The following NLRP9 variants were observed in gnomAD, a reference collection of about 807,000 sequenced individuals.
The protein encoded by NLRP9 is NACHT, LRR and PYD domains-containing protein 9.
NLRP9 carries 88 observed loss-of-function variants against 83.1 expected under a neutral mutation model. The observed-to-expected ratio is 1.06, with a 90% CI of 0.89 to 1.26. The LOEUF (loss-of-function observed/expected upper bound fraction) is 1.26. NLRP9 is among the 50% of genes most tolerant of loss of function. The pLI is 0.00. For missense variants in NLRP9, 1,308 were observed against 1,179.3 expected, an observed-to-expected ratio of 1.11 and a Z score of -1.60; for synonymous variants, 521 against 447.6, an observed-to-expected ratio of 1.16 and a Z score of -2.07.
Position 55,715,063 on chromosome 19 carries a change from C to T in NLRP9, c.2493G>A (p.Arg831=). ...AALKHPGCSI[R]ELWLMGCFLT... is the part of the protein sequence containing the mutation. ...ATCATGGCCGGTCCTACCACAGCTCCCGTATGCTGCAGCCTGGGTGCTTCA... is the reference window on the plus strand; with the variant it reads ...ATCATGGCCGGTCCTACCACAGCTCTCGTATGCTGCAGCCTGGGTGCTTCA... The change falls in exon 6 of 9, where the codon CGG becomes CGA. Residue 831 remains arginine, a synonymous_variant. Coordinates refer to ENST00000332836, the MANE Select transcript of NLRP9 (RefSeq NM_176820.4). 6.2e-7 allele frequency: 1 copy of T among 1,610,342 alleles called. No homozygotes were observed. Among genetic ancestry groups the T allele is most frequent in the African/African-American group, 1.3e-5 (1 of 74,968 alleles).
chr19:55,732,487 G>A lies in NLRP9; in HGVS notation c.1344C>T (p.Ile448=), dbSNP rs769559229. 30 of 1,614,192 alleles carry A rather than the reference G, an allele frequency of 1.9e-5. No homozygotes were observed. The highest frequency in any genetic ancestry group is 2.4e-5 in the Non-Finnish European group (28 of 1,180,020). Residue 448 remains isoleucine (I), a synonymous_variant, in exon 2 of 9, where the codon ATC becomes ATT. Transcript: ENST00000332836. ...AAAACATGGCGGCACAAAACTCTTG[G>A]ATACACAGATGCATGAAGGCAAAAC... ...GDCFAFMHLC[I]QEFCAAMFYL...
In NLRP9 at chr19:55,708,980, G is replaced by A; in HGVS notation, c.2908C>T (p.Pro970Ser). The A allele has an allele frequency of 6.3e-7, 1 of 1,593,622 alleles. No individual in the cohort carries two copies. Among genetic ancestry groups the A allele is most frequent in the Non-Finnish European group, 8.5e-7 (1 of 1,171,798 alleles). ...KILMSVEEKI[P>S]HLTISHGPWI... ...GGTCCATGTGAAATGGTCAGATGGG[G>A]AATTTTTTCTTCCACAGACATCAGG... The change falls in exon 9 of 9, where the codon CCC becomes TCC. Residue 970 changes from proline (P) to serine (S), a missense_variant. Physicochemically the swap from Pro to Ser is moderately conservative, Grantham distance 74. Coordinates refer to ENST00000332836, the MANE Select transcript of NLRP9 (RefSeq NM_176820.4).
chr19:55,722,050 T>C (rs571334603), intron 4 of NLRP9, among the ~76,000 whole-genome samples: 50 of 152,182 alleles, frequency 3.3e-4, no homozygotes, highest in African/African-American at 1.2e-3. Flanking sequence ...CACTCAACTG[T>C]GATCATTGAA....
chr19:55,712,016 G>T, intron 7 of NLRP9, 46 bp from the exon 8 acceptor site: 1 of 1,580,898 alleles, frequency 6.3e-7, no homozygotes, highest in African/African-American at 1.3e-5. Context: ...GCTTTGGGTA[G>T]GCTGGAAGGC....
rs1345256027 is a variant in NLRP9, at chr19:55,732,716, A to T, written c.1115T>A (p.Leu372Ter). ...ACTTCCTGCTTTGAATACAGTTGTT[A>T]AAAAGGATGCATATAAATAGGTGGT... The part of the protein sequence containing the change: ...QNTTYLYASF[L>*]TTVFKAGSQS... The change falls in exon 2 of 9, where the codon TTA becomes TAA. Residue 372 changes from leucine to a stop codon, truncating the protein, a stop_gained. Transcript: ENST00000332836. LOFTEE classifies it high-confidence loss of function. 6.2e-7 allele frequency: 1 copy of T among 1,614,096 alleles called. No individual in the cohort carries two copies. The highest frequency in any genetic ancestry group is 1.7e-5 in the Admixed American group (1 of 60,020).
intron 4 of NLRP9, among the ~76,000 whole-genome samples, chr19:55,718,298 C>G (rs1395531227): frequency 6.6e-6 from 1 of 152,158 alleles, no homozygotes; most frequent in African/African-American, 2.4e-5. Context: ...TACCATCCCC[C>G]AACCCGACAC....
chr19:55,713,393 T>C lies in NLRP9; in HGVS notation c.2502-803A>G, dbSNP rs565602886. ...ATGACATATAGATACATGATACACA[T>C]AGATGTGTGGATAGGCACGTGTCTA... On this transcript the variant is annotated intron_variant, in intron 6 of 8. Coordinates refer to ENST00000332836, the MANE Select transcript of NLRP9 (RefSeq NM_176820.4). Among the ~76,000 whole-genome samples, 3 of 151,876 alleles carry C rather than the reference T, an allele frequency of 2.0e-5. No homozygotes were observed. The South Asian group carries it at 6.2e-4, about 32-fold the overall frequency.
intron 2 of NLRP9, 142 bp from the exon 3 acceptor site, chr19:55,730,134 C>T (rs532331648): frequency 8.1e-5 from 56 of 691,798 alleles, no homozygotes; most frequent in South Asian, 4.2e-4. Flanking sequence ...GCCAGGTAAA[C>T]GGAGCCAACA....
At chr19:55,730,278 A>C (rs554481096) in intron 2 of NLRP9, among the ~76,000 whole-genome samples, 19 of 152,086 alleles carry the variant, frequency 1.2e-4, no homozygotes, top group Admixed American at 6.6e-4. Flanking sequence ...ACATAGCAAG[A>C]CTCCATCTCT....
chr19:55,733,891 T>C (rs542645081), intron 1 of NLRP9, among the ~76,000 whole-genome samples: 18 of 151,498 alleles, frequency 1.2e-4, no homozygotes, highest in African/African-American at 4.1e-4. Context: ...CCCAGGTCTT[T>C]AGATAAACTC....
chr19:55,735,067 C>T (rs913804511), intron 1 of NLRP9, among the ~76,000 whole-genome samples: 6 of 152,062 alleles, frequency 3.9e-5, no homozygotes, highest in Admixed American at 1.3e-4. Context: ...AGGGACTGGA[C>T]GGAAGGAGAT....
At chr19:55,731,793 CT>C (rs1988578617) in intron 2 of NLRP9, among the ~76,000 whole-genome samples, 1 of 151,072 alleles carries the variant, frequency 6.6e-6, no homozygotes, top group Non-Finnish European at 1.5e-5. Flanking sequence ...GTAGACAAAA[CT>C]TTTATTTCTC....
chr19:55,732,740 G>A lies in NLRP9; in HGVS notation c.1091C>T (p.Thr364Ile). 6.2e-7 allele frequency: 1 copy of A among 1,614,090 alleles called. No individual in the cohort carries two copies. Among genetic ancestry groups the A allele is most frequent in the South Asian group, 1.1e-5 (1 of 91,082 alleles). Reference protein sequence around the residue: ...GEDLEINSQNTTYLYASFLTT... With the variant: ...GEDLEINSQNITYLYASFLTT... The stretch of plus-strand genomic sequence containing the variant: ...TAAAAAGGATGCATATAAATAGGTG[G>A]TGTTTTGGGAGTTTATTTCAAGGTC... The change falls in exon 2 of 9, where the codon ACC becomes ATC. Residue 364 changes from threonine to isoleucine, a missense_variant. Transcript: ENST00000332836.
rs994596155 is a variant in NLRP9, at chr19:55,738,146, G to C, written c.229C>G (p.Leu77Val). Residue 77 changes from leucine to valine, a missense_variant, in exon 1 of 9, where the codon CTA (leucine) becomes GTA (valine). Physicochemically the swap from Leu to Val is conservative, Grantham distance 32. Coordinates refer to ENST00000332836, the MANE Select transcript of NLRP9 (RefSeq NM_176820.4). ...QAWEVTLNLF[L>V]QINRKDLWTK... Reference sequence around the variant, plus strand: ...CAGAGATCTTTCCTATTGATCTGTAGAAACAGGTTCAGTGTTACCTCCCAT... The same window carrying C: ...CAGAGATCTTTCCTATTGATCTGTACAAACAGGTTCAGTGTTACCTCCCAT... 14 of 1,614,012 alleles carry C rather than the reference G, an allele frequency of 8.7e-6. No individual in the cohort carries two copies. The highest frequency in any genetic ancestry group is 1.7e-5 in the Admixed American group (1 of 59,994).
rs570772839 is a variant in NLRP9, at chr19:55,711,472, C to T, written c.2843+328G>A. On this transcript the variant is annotated intron_variant, in intron 8 of 8. Coordinates refer to ENST00000332836, the MANE Select transcript of NLRP9 (RefSeq NM_176820.4). ...GCTGGCGTTGCATATTTATGGGCAACGTAAGTAGAAGATGTTTTATAGAGC... is the reference window on the plus strand; with the variant it reads ...GCTGGCGTTGCATATTTATGGGCAATGTAAGTAGAAGATGTTTTATAGAGC... 4.7e-5 allele frequency: 62 copies of T among 1,320,934 alleles called. No individual in the cohort carries two copies. In the Admixed American group the frequency reaches 7.2e-4, roughly 15 times the overall value. The allele number at this position is 1,320,934 out of a possible 1,614,324, so 81.8% of individuals were successfully genotyped here. A position where few individuals can be genotyped will look rare whatever the true frequency, so the allele number is the denominator to read the frequency against.
At chr19:55,728,613 A>G (rs1294697714) in intron 3 of NLRP9, among the ~76,000 whole-genome samples, 1 of 152,164 alleles carries the variant, frequency 6.6e-6, no homozygotes, top group Non-Finnish European at 1.5e-5. Context: ...ACAAACAAAA[A>G]AGACATCAGC....
intron 3 of NLRP9, among the ~76,000 whole-genome samples, chr19:55,725,032 C>G (rs936855600): frequency 1.3e-5 from 2 of 152,110 alleles, no homozygotes; most frequent in Non-Finnish European, 2.9e-5. Context: ...GCACTCCAGC[C>G]TGGGCAACAA....
At chr19:55,713,599 TCTCCCTC>T (rs1206849231) in intron 6 of NLRP9, among the ~76,000 whole-genome samples, 1 of 82,302 alleles carries the variant, frequency 1.2e-5, no homozygotes, top group Non-Finnish European at 2.6e-5. Flanking sequence ...CTCCTCCTCC[TCTCCCTC>T]CTCCCCTCTC....
chr19:55,717,033 C>CTTTTTTTT (rs397968319), intron 4 of NLRP9, 135 bp from the exon 5 acceptor site: 2 of 366,308 alleles, frequency 5.5e-6, no homozygotes, highest in South Asian at 3.7e-5. Context: ...GACTCTTTTT[C>CTTTTTTTT]TTTTTTTTTT....
Sources: allele counts gnomAD v4.1 joint callset (sites outside exome capture counted in the v4.1 genomes callset), GRCh38; gene constraint gnomAD v4.1.1; transcripts MANE v1.5; gene names NCBI Gene and HGNC (gene_info 2026-07-23, HGNC 2026-07-21).